RRAS2: variants seen among roughly 807,000 people sequenced by gnomAD.
RRAS2 encodes ras-related protein R-Ras2.
In RRAS2, 7 loss-of-function variants were observed where a neutral mutation model predicts 27.6. The observed-to-expected ratio is 0.25, with a 90% CI of 0.14 to 0.48. RRAS2 has a LOEUF of 0.48. RRAS2 is among the 20% of genes least tolerant of loss of function. RRAS2 has a pLI of 0.99. For missense variants in RRAS2, 178 were observed against 256.2 expected, an observed-to-expected ratio of 0.69 and a Z score of 2.08; for synonymous variants, 86 against 90.9, an observed-to-expected ratio of 0.95 and a Z score of 0.31.
chr11:14,313,009 C>T (rs1329173270), intron 1 of RRAS2, among the ~76,000 whole-genome samples: 2 of 152,226 alleles, frequency 1.3e-5, no homozygotes, highest in East Asian at 3.8e-4. Flanking sequence ...ATTACTTAAC[C>T]TCATTCTACC....
intron 1 of RRAS2, among the ~76,000 whole-genome samples, chr11:14,357,353 G>C (rs901279406): frequency 1.0e-4 from 15 of 150,594 alleles, no homozygotes; most frequent in Admixed American, 9.2e-4. Context: ...GCTATAAATT[G>C]TTTTGCTTTG....
At chr11:14,293,021 T>A (rs1037871843) in intron 4 of RRAS2, among the ~76,000 whole-genome samples, 5 of 150,572 alleles carry the variant, frequency 3.3e-5, no homozygotes, top group African/African-American at 9.8e-5. Context: ...GGCAGGAGAA[T>A]GGCGTGAACC....
intron 2 of RRAS2, among the ~76,000 whole-genome samples, chr11:14,295,130 C>T (rs1356222849): frequency 2.0e-5 from 3 of 152,164 alleles, no homozygotes; most frequent in African/African-American, 7.2e-5. Flanking sequence ...ATATCAAACA[C>T]ATTTAATCAG....
In RRAS2 at chr11:14,359,089, G is replaced by A. The variant is rs1245648219; in HGVS notation, c.-219C>T. On this transcript the variant is annotated 5_prime_UTR_variant, in exon 1 of 6. Transcript: ENST00000256196. ...CGCGGAGAAGCGGGGTGACGGCACG[G>A]GCCAGGGGCGGCAGCGGCCGGGGGG... 4 of 1,080,720 alleles carry A rather than the reference G, an allele frequency of 3.7e-6. No individual in the cohort carries two copies. The highest frequency in any genetic ancestry group is 1.7e-5 in the African/African-American group (1 of 59,602). 66.9% of individuals were successfully genotyped at this position (1,080,720 alleles called of 1,614,324 possible).
intron 1 of RRAS2, among the ~76,000 whole-genome samples, chr11:14,306,859 T>C (rs868961472): frequency 6.7e-6 from 1 of 148,994 alleles, no homozygotes; most frequent in African/African-American, 2.5e-5. Context: ...ATGACACTGA[T>C]TGTAAGACCA....
intron 1 of RRAS2, among the ~76,000 whole-genome samples, chr11:14,297,215 G>C (rs1396690088): frequency 6.6e-6 from 1 of 152,054 alleles, no homozygotes; most frequent in Non-Finnish European, 1.5e-5. Flanking sequence ...TACAAAATCT[G>C]AAGGAATGAT....
Position 14,358,793 on chromosome 11 carries a change from GC to G in RRAS2, c.77del (p.Gly26AlafsTer15). The G allele has an allele frequency of 2.7e-6, 4 of 1,485,126 alleles. No homozygotes were observed. Among genetic ancestry groups the G allele is most frequent in the South Asian group, 1.2e-5 (1 of 82,068 alleles). 92.0% of individuals were successfully genotyped at this position (1,485,126 alleles called of 1,614,324 possible). Reference protein sequence around the residue: ...RLVVVGGGGVGKSALTIQFIQ... With the variant: ...RLVVVGGGGVXKSALTIQFIQ... ...TGAACTGGATGGTGAGCGCCGACTT[GC>G]CCACGCCGCCCCCGCCGACCACCAC... On this transcript the variant is annotated frameshift_variant, in exon 1 of 6. Coordinates refer to ENST00000256196, the MANE Select transcript of RRAS2 (RefSeq NM_012250.6). LOFTEE classifies it high-confidence loss of function. This position sits in a 1 kb window ranked among gnomAD's most constrained non-coding sequence, Gnocchi z 5.1.
rs1315983764 is a variant in RRAS2 at position 14,359,067 on chromosome 11, G to T, written c.-197C>A. 9.1e-7 allele frequency: 1 copy of T among 1,099,646 alleles called. No homozygotes were observed. The highest frequency in any genetic ancestry group is 1.7e-5 in the African/African-American group (1 of 60,152). 68.1% of individuals were successfully genotyped at this position (1,099,646 alleles called of 1,614,324 possible). A position where few individuals can be genotyped will look rare whatever the true frequency, so the allele number is the denominator to read the frequency against. ...ACTGGCTGGGTACCGCCCGAGGCGCGGAGAAGCGGGGTGACGGCACGGGCC... is the reference window on the plus strand; with the variant it reads ...ACTGGCTGGGTACCGCCCGAGGCGCTGAGAAGCGGGGTGACGGCACGGGCC... On this transcript the variant is annotated 5_prime_UTR_variant, in exon 1 of 6. Transcript: ENST00000256196.
chr11:14,326,953 TG>T (rs1848371880), intron 1 of RRAS2, among the ~76,000 whole-genome samples: 1 of 59,526 alleles, frequency 1.7e-5, no homozygotes, highest in Non-Finnish European at 4.4e-5. Flanking sequence ...CCCAGCTACT[TG>T]GCAGGCTGAG....
chr11:14,364,417 C>A (rs1554956489), exon 1 of RRAS2: 2 of 1,535,606 alleles, frequency 1.3e-6, no homozygotes, highest in Non-Finnish European at 1.7e-6. Flanking sequence ...GCATCATCCA[C>A]TTATTTCCTT....
chr11:14,337,797 G>C (rs1186391711), intron 1 of RRAS2, among the ~76,000 whole-genome samples: 1 of 152,088 alleles, frequency 6.6e-6, no homozygotes, highest in African/African-American at 2.4e-5. Flanking sequence ...CTTATGTACA[G>C]TAAATTTTTT....
chr11:14,280,072 TAAG>T (rs1265064787), intron 5 of RRAS2, among the ~76,000 whole-genome samples: 1 of 152,214 alleles, frequency 6.6e-6, no homozygotes, highest in Non-Finnish European at 1.5e-5. Flanking sequence ...ATAATTATTT[TAAG>T]AAGGCACTGC....
chr11:14,312,925 T>C (rs1201067074), intron 1 of RRAS2, among the ~76,000 whole-genome samples: 2 of 152,306 alleles, frequency 1.3e-5, no homozygotes, highest in Middle Eastern at 3.4e-3. Context: ...CCAAACCACA[T>C]GCCTGGAGGC....
intron 1 of RRAS2, among the ~76,000 whole-genome samples, chr11:14,315,418 T>C (rs183386713): frequency 6.6e-6 from 1 of 152,248 alleles, no homozygotes; most frequent in African/African-American, 2.4e-5. Context: ...ACAAAATACT[T>C]AATGAGTACT....
chr11:14,315,600 T>A (rs1053373867), intron 1 of RRAS2, among the ~76,000 whole-genome samples: 2 of 152,226 alleles, frequency 1.3e-5, no homozygotes, highest in Non-Finnish European at 2.9e-5. Flanking sequence ...AATAATAATG[T>A]ATCCACATTG....
intron 1 of RRAS2, among the ~76,000 whole-genome samples, chr11:14,318,749 A>G (rs1554949859): frequency 1.3e-5 from 2 of 152,182 alleles, no homozygotes; most frequent in African/African-American, 4.8e-5. Flanking sequence ...AGATAACCCA[A>G]ACACGGACAT....
At chr11:14,317,192 G>A (rs1202909514) in intron 1 of RRAS2, among the ~76,000 whole-genome samples, 48 of 152,302 alleles carry the variant, frequency 3.2e-4, no homozygotes, top group Middle Eastern at 3.4e-3. Context: ...TCCAAGTTAT[G>A]GAAGAAGAGA....
At chr11:14,293,489 A>C (rs2133960137) in intron 4 of RRAS2, among the ~76,000 whole-genome samples, 1 of 152,170 alleles carries the variant, frequency 6.6e-6, no homozygotes, top group South Asian at 2.1e-4. Flanking sequence ...CATCTTTTTT[A>C]ACTGCAGTTC....
chr11:14,347,133 C>A (rs780335670), intron 1 of RRAS2, among the ~76,000 whole-genome samples: 4 of 152,052 alleles, frequency 2.6e-5, no homozygotes, highest in African/African-American at 7.2e-5. Flanking sequence ...ACTGCACTCC[C>A]GCTTGGACAA....
Sources: gnomAD v4.1 joint callset for allele counts (sites outside exome capture counted in the v4.1 genomes callset) on GRCh38, gnomAD v4.1.1 for gene constraint, Gnocchi (gnomAD v3.1) non-coding constraint, MANE v1.5 for transcripts, NCBI Gene and HGNC (gene_info 2026-07-23, HGNC 2026-07-21) for gene names.